Variants in ZNF385D observed in about 807,000 individuals in gnomAD.
The protein encoded by ZNF385D is zinc finger protein 659.
ZNF385D carries 15 observed loss-of-function variants against 35.8 expected under a neutral mutation model. The ratio of observed to expected loss-of-function variants is 0.42; its 90% CI spans 0.28 to 0.64. ZNF385D has a LOEUF of 0.64. Ranked by LOEUF, ZNF385D falls within the 30% of genes least tolerant of loss-of-function variation. The pLI, the probability that ZNF385D is intolerant of heterozygous loss-of-function variation, is 0.23. For synonymous variants in ZNF385D, 212 were observed against 186.8 expected, an observed-to-expected ratio of 1.13 and a Z score of -1.10; for missense variants, 474 against 494.6, an observed-to-expected ratio of 0.96 and a Z score of 0.39.
chr3:22,222,572 A>G (rs112928652), intron 2 of ZNF385D, among the ~76,000 whole-genome samples: 10 of 152,288 alleles, frequency 6.6e-5, no homozygotes, highest in African/African-American at 2.2e-4. Context: ...CTAGGCTTGC[A>G]TAACAGGAAC....
Position 21,437,027 on chromosome 3 carries a change from A to G in ZNF385D, c.616T>C (p.Cys206Arg). ...TTGACAGCAACCTTGCATAGCGAAC[A>G]GTAAAGAAGCCGTTTTGCCTTTTCT... is the stretch of plus-strand genomic sequence containing the variant. ...EEEKAKRLLYCSLCKVAVNSA... is the reference protein window; with the variant it reads ...EEEKAKRLLYRSLCKVAVNSA... Residue 206 changes from cysteine (C) to arginine (R), a missense_variant, in exon 5 of 8, where the codon TGT (cysteine) becomes CGT (arginine). Cys to Arg is a radical substitution (Grantham distance 180). Coordinates refer to ENST00000281523, the MANE Select transcript of ZNF385D (RefSeq NM_024697.3). 2 of 1,614,016 alleles carry G rather than the reference A, an allele frequency of 1.2e-6. No individual in the cohort carries two copies. The highest frequency in any genetic ancestry group is 1.7e-6 in the Non-Finnish European group (2 of 1,179,904).
At chr3:21,635,131 G>T (rs2065390802) in intron 2 of ZNF385D, among the ~76,000 whole-genome samples, 2 of 152,116 alleles carry the variant, frequency 1.3e-5, no homozygotes, top group Middle Eastern at 3.4e-3. Flanking sequence ...TACCTATTTA[G>T]TCAATATTAA....
At chr3:21,557,104 C>T (rs1195280416) in intron 3 of ZNF385D, among the ~76,000 whole-genome samples, 1 of 152,150 alleles carries the variant, frequency 6.6e-6, no homozygotes, top group African/African-American at 2.4e-5. Flanking sequence ...ACAATCATGT[C>T]ATCTGCAAAC....
chr3:22,153,612 C>A (rs957906978), intron 3 of ZNF385D, among the ~76,000 whole-genome samples: 3 of 151,736 alleles, frequency 2.0e-5, no homozygotes, highest in Non-Finnish European at 4.4e-5. Flanking sequence ...TAAAGGCACC[C>A]ACCACTATAC....
At chr3:21,950,515 G>T (rs766835311) in intron 3 of ZNF385D, among the ~76,000 whole-genome samples, 4 of 151,704 alleles carry the variant, frequency 2.6e-5, no homozygotes, top group Non-Finnish European at 4.4e-5. Flanking sequence ...TGTTCACTCT[G>T]ATGATAGTTT....
chr3:22,024,287 T>G (rs999076388), intron 3 of ZNF385D, among the ~76,000 whole-genome samples: 1 of 152,010 alleles, frequency 6.6e-6, no homozygotes, highest in Non-Finnish European at 1.5e-5. Context: ...ATCGTGTAAG[T>G]TAATACTTAA....
At chr3:22,026,485 T>C (rs1697559648) in intron 3 of ZNF385D, among the ~76,000 whole-genome samples, 1 of 152,186 alleles carries the variant, frequency 6.6e-6, no homozygotes, top group African/African-American at 2.4e-5. Context: ...ATCCAGAATG[T>C]CACTGTGGTC....
intron 2 of ZNF385D, among the ~76,000 whole-genome samples, chr3:22,238,311 A>C (rs546607559): frequency 2.6e-5 from 4 of 151,120 alleles, no homozygotes; most frequent in South Asian, 4.3e-4. Flanking sequence ...TTGCATTTCC[A>C]TATGAATTTT....
At chr3:21,861,693 G>T (rs1456378935) in intron 3 of ZNF385D, among the ~76,000 whole-genome samples, 2 of 152,068 alleles carry the variant, frequency 1.3e-5, no homozygotes, top group African/African-American at 4.8e-5. Context: ...TAAATACTGT[G>T]GTTGTCTCCC....
At chr3:21,721,454 A>T (rs923234921) in intron 1 of ZNF385D, among the ~76,000 whole-genome samples, 1 of 152,206 alleles carries the variant, frequency 6.6e-6, no homozygotes, top group African/African-American at 2.4e-5. Context: ...GGCAGATCCT[A>T]AAAAAGACTC....
chr3:22,222,905 G>A (rs756675762), intron 2 of ZNF385D, among the ~76,000 whole-genome samples: 1 of 151,978 alleles, frequency 6.6e-6, no homozygotes, highest in Non-Finnish European at 1.5e-5. Context: ...TGCTGTTAGT[G>A]CTCATTTAAA....
intron 3 of ZNF385D, among the ~76,000 whole-genome samples, chr3:22,084,492 T>C (rs1700925277): frequency 6.6e-6 from 1 of 152,166 alleles, no homozygotes; most frequent in Admixed American, 6.6e-5. Flanking sequence ...GGCCATTACA[T>C]AATGGTAAAG....
chr3:21,946,117 C>T (rs1433776947), intron 3 of ZNF385D, among the ~76,000 whole-genome samples: 1 of 152,168 alleles, frequency 6.6e-6, no homozygotes, highest in Non-Finnish European at 1.5e-5. Flanking sequence ...CAAAGTCATA[C>T]ACCGGTGAAC....
chr3:21,997,899 G>A lies in ZNF385D; in HGVS notation c.325+170918C>T, dbSNP rs912501074. Among the ~76,000 whole-genome samples the A allele has an allele frequency of 1.1e-4, 17 of 151,240 alleles. No homozygotes were observed. In the East Asian group the frequency reaches 3.3e-3, roughly 29 times the overall value. On this transcript the variant is annotated intron_variant, in intron 3 of 5. Coordinates refer to the ZNF385D transcript ENST00000494108. ...TGTGTGTGTGTGTGTGTGTGTGTGT[G>A]TGTGTGTGACAGAAAGAGAGAGAGA...
At chr3:22,000,764 GA>G (rs34477208) in intron 3 of ZNF385D, among the ~76,000 whole-genome samples, 1 of 149,850 alleles carries the variant, frequency 6.7e-6, no homozygotes, top group East Asian at 2.0e-4. Context: ...TCTGAAAGAG[GA>G]AAAAAAAACC....
At chr3:21,546,928 G>A (rs2062394121) in intron 3 of ZNF385D, among the ~76,000 whole-genome samples, 1 of 151,968 alleles carries the variant, frequency 6.6e-6, no homozygotes. Flanking sequence ...ACAGAAGAGG[G>A]AAAGTGGACA....
At chr3:22,178,604 G>A (rs4634148) in intron 2 of ZNF385D, among the ~76,000 whole-genome samples, 88,210 of 151,884 alleles carry the variant, frequency 0.58, 28,172 homozygotes, top group African/African-American at 0.86. Context: ...CCATTTGTCA[G>A]TTTTGGCTTT....
At chr3:22,304,451 T>C (rs781409073) in intron 2 of ZNF385D, among the ~76,000 whole-genome samples, 1 of 152,152 alleles carries the variant, frequency 6.6e-6, no homozygotes, top group Non-Finnish European at 1.5e-5. Context: ...AATTGTAAGG[T>C]ATATTAGAGA....
intron 3 of ZNF385D, among the ~76,000 whole-genome samples, chr3:21,940,055 T>A (rs1701440172): frequency 6.6e-6 from 1 of 152,194 alleles, no homozygotes; most frequent in South Asian, 2.1e-4. Flanking sequence ...TCTTTCCAGT[T>A]CTTTTATTTC....
Sources: allele counts gnomAD v4.1 joint callset (sites outside exome capture counted in the v4.1 genomes callset), GRCh38; gene constraint gnomAD v4.1.1; transcripts MANE v1.5; gene names NCBI Gene and HGNC (gene_info 2026-07-23, HGNC 2026-07-21).